Variants in GHR observed in about 807,000 individuals in gnomAD.
GHR encodes growth hormone receptor.
A neutral mutation model predicts 67.1 loss-of-function variants in GHR; 35 were observed. The ratio of observed to expected loss-of-function variants is 0.52; its 90% confidence interval spans 0.40 to 0.69. GHR has a LOEUF of 0.69. Among genes scored for constraint, GHR ranks in the 30% least tolerant of loss-of-function variants. The probability of loss-of-function intolerance (pLI) is 0.00; values close to 1 mark genes in which losing one functional copy is unlikely to be tolerated. For missense variants in GHR, 792 were observed against 764.6 expected, an observed-to-expected ratio of 1.04 and a Z score of -0.42; for synonymous variants, 272 against 269.1, an observed-to-expected ratio of 1.01 and a Z score of -0.10.
intron 1 of GHR, among the ~76,000 whole-genome samples, chr5:42,547,252 AAC>A (rs1748778284): frequency 1.3e-5 from 2 of 152,222 alleles, no homozygotes; most frequent in African/African-American, 2.4e-5. Flanking sequence ...GGAGTCTTGT[AAC>A]CAGCTAAAGG....
chr5:42,548,291 A>T, intron 1 of GHR: 1 of 985,362 alleles, frequency 1.0e-6, no homozygotes, highest in Non-Finnish European at 1.2e-6. Context: ...TTTATATATC[A>T]AAGCAGAAAG....
intron 1 of GHR, among the ~76,000 whole-genome samples, chr5:42,430,407 G>A (rs1743041955): frequency 6.6e-6 from 1 of 152,078 alleles, no homozygotes; most frequent in Admixed American, 6.6e-5. Flanking sequence ...AAGAGACAAT[G>A]TCAGTTTTTC....
chr5:42,548,398 A>G (rs1260376630), intron 1 of GHR: 1 of 985,104 alleles, frequency 1.0e-6, no homozygotes, highest in Non-Finnish European at 1.2e-6. Context: ...ATTTTAACCA[A>G]ATCAGTGTGA....
chr5:42,641,694 T>G (rs1233903498), intron 3 of GHR, among the ~76,000 whole-genome samples: 3 of 152,174 alleles, frequency 2.0e-5, no homozygotes, highest in African/African-American at 7.2e-5. Flanking sequence ...GGGGCAAATA[T>G]TTTGGATTAA....
intron 2 of GHR, among the ~76,000 whole-genome samples, chr5:42,617,241 TA>T (rs879356349): frequency 0.031 from 4,351 of 142,600 alleles, 191 homozygotes; most frequent in African/African-American, 0.096. Flanking sequence ...CTCATTCCCT[TA>T]AAAAAAAAAA....
At chr5:42,506,855 A>G (rs1468197639) in intron 1 of GHR, among the ~76,000 whole-genome samples, 1 of 152,208 alleles carries the variant, frequency 6.6e-6, no homozygotes, top group Non-Finnish European at 1.5e-5. Context: ...ATTACAAGAA[A>G]ACAAGGATGT....
At chr5:42,459,753 G>T (rs762996649) in intron 1 of GHR, among the ~76,000 whole-genome samples, 2 of 152,172 alleles carry the variant, frequency 1.3e-5, no homozygotes, top group Non-Finnish European at 2.9e-5. Flanking sequence ...AGCTGGGCTT[G>T]AGATTTGATA....
chr5:42,649,858 T>C (rs1486628228), intron 3 of GHR, among the ~76,000 whole-genome samples: 2 of 152,224 alleles, frequency 1.3e-5, no homozygotes, highest in African/African-American at 4.8e-5. Context: ...TTGGTTTAAC[T>C]GCTAGAAAAC....
chr5:42,561,748 C>T (rs1749621369), intron 1 of GHR, among the ~76,000 whole-genome samples: 1 of 152,104 alleles, frequency 6.6e-6, no homozygotes, highest in South Asian at 2.1e-4. Flanking sequence ...TTAATCCCTC[C>T]TGCTGAAAAT....
intron 1 of GHR, among the ~76,000 whole-genome samples, chr5:42,547,451 G>T (rs914451557): frequency 6.6e-6 from 1 of 152,040 alleles, no homozygotes; most frequent in African/African-American, 2.4e-5. Context: ...AAGAATTATG[G>T]CAAAGCTCCA....
chr5:42,643,971 T>G (rs1023030876), intron 3 of GHR, among the ~76,000 whole-genome samples: 4 of 152,132 alleles, frequency 2.6e-5, no homozygotes, highest in Non-Finnish European at 5.9e-5. Flanking sequence ...TGAGAATAAC[T>G]GAATAGTTGG....
At chr5:42,443,082 A>G (rs1743646895) in intron 1 of GHR, among the ~76,000 whole-genome samples, 1 of 152,156 alleles carries the variant, frequency 6.6e-6, no homozygotes, top group Non-Finnish European at 1.5e-5. Flanking sequence ...ACTTGGCATG[A>G]GGTAATGTCA....
Position 42,601,666 on chromosome 5 carries a change from C to G in GHR, c.71-27372C>G, listed in dbSNP as rs900749358. 2.6e-5 allele frequency among the ~76,000 whole-genome samples: 4 copies of G among 152,154 alleles called. No individual in the cohort carries two copies. In the East Asian group the frequency reaches 5.8e-4, roughly 22 times the overall value. ...GTATTCTGCTTTCTCTAATCCTTGA[C>G]AGGACTAATTGCTAAACTATAATAT... On this transcript the variant is annotated intron_variant, in intron 2 of 9. Coordinates refer to ENST00000230882, the MANE Select transcript of GHR (RefSeq NM_000163.5).
intron 1 of GHR, among the ~76,000 whole-genome samples, chr5:42,476,453 T>G (rs1745325213): frequency 6.6e-6 from 1 of 152,090 alleles, no homozygotes; most frequent in Non-Finnish European, 1.5e-5. Flanking sequence ...TCTCCTGACC[T>G]CGTGATGTGC....
At chr5:42,622,444 T>C (rs1283425428) in intron 2 of GHR, among the ~76,000 whole-genome samples, 2 of 152,162 alleles carry the variant, frequency 1.3e-5, no homozygotes, top group Non-Finnish European at 2.9e-5. Flanking sequence ...TTTTGTGTCT[T>C]GTCATAAGAA....
chr5:42,700,498 G>A (rs142764687), intron 6 of GHR, among the ~76,000 whole-genome samples: 23 of 152,276 alleles, frequency 1.5e-4, no homozygotes, highest in African/African-American at 5.5e-4. Flanking sequence ...CCTCAGAGAA[G>A]AATCAAGCTG....
chr5:42,668,606 A>T (rs1756114682), intron 3 of GHR, among the ~76,000 whole-genome samples: 1 of 152,194 alleles, frequency 6.6e-6, no homozygotes, highest in South Asian at 2.1e-4. Flanking sequence ...AATTAAAAAC[A>T]TGCACATAAG....
intron 3 of GHR, among the ~76,000 whole-genome samples, chr5:42,670,847 T>A (rs1174649857): frequency 6.3e-4 from 72 of 114,210 alleles, no homozygotes; most frequent in Admixed American, 1.2e-3. Flanking sequence ...ATAATTTTTT[T>A]TAAAAAAAAG....
intron 3 of GHR, among the ~76,000 whole-genome samples, chr5:42,683,444 A>C (rs1756986104): frequency 6.6e-6 from 1 of 152,214 alleles, no homozygotes; most frequent in Admixed American, 6.5e-5. Context: ...TGCTAGTTAA[A>C]AAGAAGTCTC....
Sources: allele counts gnomAD v4.1 joint callset (sites outside exome capture counted in the v4.1 genomes callset), GRCh38; gene constraint gnomAD v4.1.1; transcripts MANE v1.5; gene names NCBI Gene and HGNC (gene_info 2026-07-23, HGNC 2026-07-21).